SEMA3A: variants seen among roughly 807,000 people sequenced by gnomAD.
SEMA3A encodes the protein semaphorin-3A.
SEMA3A carries 29 observed loss-of-function variants against 97.9 expected under a neutral mutation model. The ratio of observed to expected loss-of-function variants is 0.30; its 90% CI spans 0.22 to 0.40. The LOEUF is 0.40. Ranked by LOEUF, SEMA3A falls within the 10% of genes least tolerant of loss-of-function variation. The pLI, the probability that SEMA3A is intolerant of heterozygous loss-of-function variation, is 1.00. For missense variants in SEMA3A, 763 were observed against 951.3 expected (o/e 0.80, Z 2.60); for synonymous variants, 321 against 323.7 (o/e 0.99, Z 0.09).
At chr7:84,111,566 T>C (rs930920384) in intron 3 of SEMA3A, among the ~76,000 whole-genome samples, 1 of 152,202 alleles carries the variant, frequency 6.6e-6, no homozygotes, top group Non-Finnish European at 1.5e-5. Context: ...CTGTCTATTA[T>C]CACTTATTTT....
intron 1 of SEMA3A, among the ~76,000 whole-genome samples, chr7:84,467,526 A>T (rs1459892566): frequency 1.0e-4 from 3 of 29,114 alleles, no homozygotes; most frequent in Non-Finnish European, 1.6e-4. Context: ...GACTCCTTCT[A>T]AAAAAAAAAA....
intron 15 of SEMA3A, among the ~76,000 whole-genome samples, chr7:83,965,060 CT>C (rs1296746289): frequency 4.6e-5 from 7 of 150,816 alleles, no homozygotes; most frequent in Non-Finnish European, 8.9e-5. Context: ...ACATTGAATA[CT>C]TTTTTTTCTA....
rs879027776 is a variant in SEMA3A at position 83,959,350 on chromosome 7, A to T, written c.*2021T>A. ...GATACTTTATGAAAATAAAAGAATG[A>T]CCTATTTTTTGGAGCACTCTTTGTT... On this transcript the variant is annotated 3_prime_UTR_variant, in exon 17 of 17. Coordinates refer to ENST00000265362, the MANE Select transcript of SEMA3A (RefSeq NM_006080.3). 1 of 152,052 alleles carries T rather than the reference A, an allele frequency of 6.6e-6. No homozygotes were observed. The highest frequency in any genetic ancestry group is 6.6e-5 in the Admixed American group (1 of 15,254). The allele number at this position is 152,052 out of a possible 1,614,324, so 9.4% of individuals were successfully genotyped here.
At chr7:84,235,715 A>G (rs1474174019) in intron 3 of SEMA3A, among the ~76,000 whole-genome samples, 2 of 152,142 alleles carry the variant, frequency 1.3e-5, no homozygotes, top group African/African-American at 4.8e-5. Flanking sequence ...AAGACCAATT[A>G]TCAATGAGCT....
At chr7:84,182,845 T>C (rs1797772286) in intron 1 of SEMA3A, among the ~76,000 whole-genome samples, 1 of 152,178 alleles carries the variant, frequency 6.6e-6, no homozygotes, top group African/African-American at 2.4e-5. Context: ...ATATCTTCAT[T>C]GACTAGCAGA....
chr7:84,201,056 G>A (rs1798343049), intron 3 of SEMA3A, among the ~76,000 whole-genome samples: 1 of 151,730 alleles, frequency 6.6e-6, no homozygotes. Context: ...TAAATAAGTC[G>A]GTCTACACTA....
intron 3 of SEMA3A, among the ~76,000 whole-genome samples, chr7:84,208,369 G>T (rs1986249): frequency 6.6e-6 from 1 of 151,614 alleles, no homozygotes; most frequent in Non-Finnish European, 1.5e-5. Flanking sequence ...GGAGAATGGC[G>T]TGAACCCGGG....
chr7:84,033,257 A>C (rs541787215), intron 6 of SEMA3A, among the ~76,000 whole-genome samples: 56 of 152,290 alleles, frequency 3.7e-4, no homozygotes, highest in Non-Finnish European at 7.1e-4. Context: ...TAAAATTCTT[A>C]ATATGTAGTT....
Position 84,469,145 on chromosome 7 carries a change from C to CTGTCT in SEMA3A, c.-246+23310_-246+23314dup, listed in dbSNP as rs532655608. Among the ~76,000 whole-genome samples, 401 of 152,216 alleles carry CTGTCT rather than the reference C, an allele frequency of 2.6e-3. 1 individual carries two copies. Among genetic ancestry groups the CTGTCT allele is most frequent in the Non-Finnish European group, 4.2e-3 (285 of 67,974 alleles). ...CGTTTTGATATTTTTGAATAATAAA[C>CTGTCT]TGTCTATTCCTTTCTAGGAAAGAGA... On this transcript the variant is annotated intron_variant, in intron 1 of 3. Coordinates refer to the SEMA3A transcript ENST00000424555.
rs180850605 is a variant in SEMA3A, at chr7:84,161,408, A to G, written c.113-26457T>C. Among the ~76,000 whole-genome samples, 155 of 152,298 alleles carry G rather than the reference A, an allele frequency of 1.0e-3. 1 individual carries two copies. Among genetic ancestry groups the G allele is most frequent in the Middle Eastern group, 3.4e-3 (1 of 294 alleles). On this transcript the variant is annotated intron_variant, in intron 1 of 16. Coordinates refer to ENST00000265362, the MANE Select transcript of SEMA3A (RefSeq NM_006080.3). ...AAATTTAATCTAGAAATTAACATGT[A>G]AAAACACAATCCTTAGACTACAAAG...
intron 1 of SEMA3A, among the ~76,000 whole-genome samples, chr7:84,467,583 A>T (rs1185974707): frequency 6.7e-6 from 1 of 149,880 alleles, no homozygotes; most frequent in African/African-American, 2.5e-5. Flanking sequence ...TTTGTCCACG[A>T]CCCTAAACAC....
intron 1 of SEMA3A, among the ~76,000 whole-genome samples, chr7:84,459,777 C>T (rs1805776490): frequency 6.6e-6 from 1 of 152,090 alleles, no homozygotes. Context: ...CCTGTAATCC[C>T]AGAACTCTGG....
chr7:84,086,519 T>TATATATTATTATATTATATTTAC (rs1794363646), intron 4 of SEMA3A, among the ~76,000 whole-genome samples: 1 of 73,096 alleles, frequency 1.4e-5, no homozygotes, highest in Non-Finnish European at 3.4e-5. Flanking sequence ...ATTATATTTA[T>TATATATTATTATATTATATTTAC]ATATAATATA....
intron 1 of SEMA3A, among the ~76,000 whole-genome samples, chr7:84,161,794 A>G (rs1287770340): frequency 6.6e-6 from 1 of 152,210 alleles, no homozygotes; most frequent in Admixed American, 6.5e-5. Context: ...AAAATGTGAG[A>G]GGCTGACTGT....
chr7:84,199,093 G>T (rs1356337635), upstream of SEMA3A, among the ~76,000 whole-genome samples: 2 of 152,130 alleles, frequency 1.3e-5, no homozygotes, highest in Non-Finnish European at 2.9e-5. Context: ...GAGCAGCGCT[G>T]TTTCCTAATT....
At chr7:84,000,118 T>C (rs1790381097) in intron 12 of SEMA3A, among the ~76,000 whole-genome samples, 1 of 152,100 alleles carries the variant, frequency 6.6e-6, no homozygotes, top group Non-Finnish European at 1.5e-5. Flanking sequence ...TATCCACCCC[T>C]GAGTGCCTGT....
chr7:83,961,775 T>C lies in SEMA3A; in HGVS notation c.1912A>G (p.Ser638Gly). The change falls in exon 17 of 17, where the codon AGT becomes GGT. Residue 638 changes from serine to glycine, a missense_variant. Around this residue, in one of 2 missense-constraint regions of SEMA3A, gnomAD observed 678 missense variants for 881.3 expected, o/e 0.77. Transcript: ENST00000265362. ...TTGCCTGAATCCTTCTGTTGTAGACTACGTAGCAGAAGGCCTTGATCTGTC... is the reference window on the plus strand; with the variant it reads ...TTGCCTGAATCCTTCTGTTGTAGACCACGTAGCAGAAGGCCTTGATCTGTC... Reference protein sequence around the residue: ...IRTDQGLLLRSLQQKDSGNYL... With the variant: ...IRTDQGLLLRGLQQKDSGNYL... The C allele has an allele frequency of 1.2e-6, 2 of 1,613,974 alleles. No individual in the cohort carries two copies. Among genetic ancestry groups the C allele is most frequent in the Non-Finnish European group, 1.7e-6 (2 of 1,179,896 alleles).
chr7:84,399,505 G>A (rs1368187103), intron 1 of SEMA3A, among the ~76,000 whole-genome samples: 1 of 152,138 alleles, frequency 6.6e-6, no homozygotes, highest in Non-Finnish European at 1.5e-5. Context: ...GTGCACTGTA[G>A]ACAGAGACTC....
At chr7:84,286,097 C>T (rs1800582535) in intron 3 of SEMA3A, among the ~76,000 whole-genome samples, 1 of 151,756 alleles carries the variant, frequency 6.6e-6, no homozygotes, top group Admixed American at 6.6e-5. Context: ...GAAGTCTTGA[C>T]AGGTTCAATT....
Sources: gnomAD v4.1 joint callset for allele counts (sites outside exome capture counted in the v4.1 genomes callset) on GRCh38, gnomAD v4.1.1 for gene constraint, gnomAD v4.1.1 regional missense constraint, MANE v1.5 for transcripts, NCBI Gene and HGNC (gene_info 2026-07-23, HGNC 2026-07-21) for gene names.